Variants in TBCK observed in about 807,000 individuals in gnomAD.
The protein encoded by TBCK is TBC domain-containing protein kinase-like protein.
Under a neutral mutation model 113.4 loss-of-function variants are expected in TBCK, and 99 were observed. That is an observed-to-expected ratio of 0.87 (90% CI 0.74 to 1.03). The LOEUF (loss-of-function observed/expected upper bound fraction) is 1.03. TBCK is among the 50% of genes least tolerant of loss of function. TBCK has a pLI of 0.00. For synonymous variants in TBCK, 369 were observed against 370.8 expected (o/e 1.00, Z 0.05); for missense variants, 1,045 against 1,061.3 (o/e 0.98, Z 0.21).
At chr4:106,175,818 T>C (rs943503754) in intron 22 of TBCK, among the ~76,000 whole-genome samples, 20 of 152,160 alleles carry the variant, frequency 1.3e-4, no homozygotes, top group Non-Finnish European at 5.9e-5. Flanking sequence ...GCTCTACATA[T>C]AACTAAGAGT....
intron 12 of TBCK, among the ~76,000 whole-genome samples, chr4:106,240,555 A>T (rs1434143052): frequency 6.6e-6 from 1 of 152,052 alleles, no homozygotes; most frequent in Non-Finnish European, 1.5e-5. Flanking sequence ...ATAGTATTTT[A>T]AAAAATATTA....
chr4:106,148,330 G>A lies in TBCK; in HGVS notation c.2235+22765C>T, dbSNP rs571457552. Among the ~76,000 whole-genome samples, 248 of 152,238 alleles carry A rather than the reference G, an allele frequency of 1.6e-3. 1 individual carries two copies. Among genetic ancestry groups the A allele is most frequent in the Non-Finnish European group, 2.8e-3 (192 of 68,020 alleles). On this transcript the variant is annotated intron_variant, in intron 23 of 25. Transcript: ENST00000394708. Reference sequence around the variant, plus strand: ...CCTAATAAAAACTTGCTGGTTTTGCGGCTTGTGGGGCATCACGGAACCTAT... The same window carrying A: ...CCTAATAAAAACTTGCTGGTTTTGCAGCTTGTGGGGCATCACGGAACCTAT...
intron 19 of TBCK, among the ~76,000 whole-genome samples, chr4:106,223,338 T>C (rs533019612): frequency 6.6e-6 from 1 of 152,268 alleles, no homozygotes; most frequent in South Asian, 2.1e-4. Flanking sequence ...AACTGGACTT[T>C]AGACTTTGTA....
At chr4:106,231,000 AT>A (rs1758798235) in intron 18 of TBCK, among the ~76,000 whole-genome samples, 1 of 151,806 alleles carries the variant, frequency 6.6e-6, no homozygotes, top group South Asian at 2.1e-4. Flanking sequence ...AAAGAGTAAA[AT>A]TTCATTTCTC....
At chr4:106,206,800 C>A (rs1419199439) in intron 20 of TBCK, among the ~76,000 whole-genome samples, 2 of 152,154 alleles carry the variant, frequency 1.3e-5, no homozygotes, top group Non-Finnish European at 2.9e-5. Context: ...TTGTGATAAG[C>A]TTTTAAGTAG....
upstream of TBCK, chr4:106,316,331 C>A: frequency 1.8e-6 from 1 of 559,166 alleles, no homozygotes; most frequent in Non-Finnish European, 3.3e-6. Context: ...GGACATATAG[C>A]GAGAGAGAAA....
At chr4:106,135,432 G>C (rs1250845548) in intron 23 of TBCK, among the ~76,000 whole-genome samples, 1 of 97,226 alleles carries the variant, frequency 1.0e-5, no homozygotes, top group Non-Finnish European at 2.6e-5. Flanking sequence ...TCTGGAGAAT[G>C]TACACTTAAC....
At chr4:106,253,267 A>G (rs1055661045) in intron 5 of TBCK, among the ~76,000 whole-genome samples, 2 of 152,170 alleles carry the variant, frequency 1.3e-5, no homozygotes, top group African/African-American at 2.4e-5. Context: ...TGCTCTTTCA[A>G]TCAAGATTAT....
chr4:106,071,757 C>A (rs142425546), intron 25 of TBCK, among the ~76,000 whole-genome samples: 6 of 152,072 alleles, frequency 3.9e-5, no homozygotes, highest in Non-Finnish European at 8.8e-5. Flanking sequence ...GTCTCTAGGA[C>A]TTGCTTTATG....
At chr4:106,188,854 C>T (rs918208837) in intron 22 of TBCK, among the ~76,000 whole-genome samples, 1 of 152,166 alleles carries the variant, frequency 6.6e-6, no homozygotes, top group Non-Finnish European at 1.5e-5. Context: ...CTTTCAGCTT[C>T]CTAGAATCAC....
Position 106,046,496 on chromosome 4 carries a change from G to A in TBCK, c.*74C>T. ...TCTGGACATCTAGTTTTGTCTGAGA[G>A]TGGCGTGGATATGAAGAACTGTGCT... On this transcript the variant is annotated 3_prime_UTR_variant, in exon 26 of 26. Coordinates refer to ENST00000394708, the MANE Select transcript of TBCK (RefSeq NM_001163435.3). The A allele has an allele frequency of 1.3e-6, 1 of 773,726 alleles. No homozygotes were observed. The allele number at this position is 773,726 out of a possible 1,614,324, so 47.9% of individuals were successfully genotyped here.
chr4:106,310,171 A>C (rs960858871), intron 1 of TBCK, among the ~76,000 whole-genome samples: 2 of 152,242 alleles, frequency 1.3e-5, no homozygotes, highest in Non-Finnish European at 2.9e-5. Context: ...CACTTTGACA[A>C]GAAACCTTAC....
chr4:106,184,046 C>G (rs1752724468), intron 22 of TBCK, among the ~76,000 whole-genome samples: 1 of 151,972 alleles, frequency 6.6e-6, no homozygotes, highest in Non-Finnish European at 1.5e-5. Flanking sequence ...TTATGACAGC[C>G]TAACTTACTA....
At chr4:106,194,561 A>G (rs1380496993) in intron 21 of TBCK, among the ~76,000 whole-genome samples, 157 bp downstream of exon 21, 2 of 152,024 alleles carry the variant, frequency 1.3e-5, no homozygotes, top group African/African-American at 4.8e-5. Context: ...GGATCAGAAC[A>G]ACTGAAATTC....
At chr4:106,200,884 T>C (rs111962834) in intron 20 of TBCK, among the ~76,000 whole-genome samples, 3,972 of 152,162 alleles carry the variant, frequency 0.026, 158 homozygotes, top group African/African-American at 0.091. Flanking sequence ...CATGAGATTA[T>C]ATATTTTCTT....
chr4:106,289,430 T>C (rs1197866542), intron 3 of TBCK, among the ~76,000 whole-genome samples: 1 of 152,180 alleles, frequency 6.6e-6, no homozygotes, highest in African/African-American at 2.4e-5. Flanking sequence ...AGAGCAATAG[T>C]AGGTTAACAT....
intron 20 of TBCK, among the ~76,000 whole-genome samples, chr4:106,205,792 A>C (rs78134636): frequency 0.014 from 2,106 of 151,074 alleles, 24 homozygotes; most frequent in Middle Eastern, 0.045. Context: ...AACAAAAAAA[A>C]CCACTGCTCT....
At position 106,314,082 on chromosome 4, in the gene TBCK, AT is replaced by A. The variant is rs898677164; in HGVS notation, c.-30+1848del. Among the ~76,000 whole-genome samples, 747 of 151,952 alleles carry A rather than the reference AT, an allele frequency of 4.9e-3. 6 individuals carry two copies. The highest frequency in any genetic ancestry group is 0.017 in the African/African-American group (708 of 41,472). On this transcript the variant is annotated intron_variant, in intron 1 of 25. Coordinates refer to ENST00000394708, the MANE Select transcript of TBCK (RefSeq NM_001163435.3). Reference sequence around the variant, plus strand: ...AAAGCCATAATACTGTAAACATTTTATTTTTTTTATTGGTTTTTGGCACGTG... The same window carrying A: ...AAAGCCATAATACTGTAAACATTTTATTTTTTTATTGGTTTTTGGCACGTG...
chr4:106,100,133 T>C (rs975344748), intron 24 of TBCK, among the ~76,000 whole-genome samples: 1 of 152,198 alleles, frequency 6.6e-6, no homozygotes, highest in African/African-American at 2.4e-5. Flanking sequence ...TCTGTACATA[T>C]CTTATAACAG....
Sources: gnomAD v4.1 joint callset for allele counts (sites outside exome capture counted in the v4.1 genomes callset) on GRCh38, gnomAD v4.1.1 for gene constraint, MANE v1.5 for transcripts, NCBI Gene and HGNC (gene_info 2026-07-23, HGNC 2026-07-21) for gene names.